ZUP1: variants seen among roughly 807,000 people sequenced by gnomAD.
ZUP1 encodes the protein zinc finger-containing ubiquitin peptidase 1.
ZUP1 carries 55 observed loss-of-function variants against 68.1 expected under a neutral mutation model. That is an observed-to-expected ratio of 0.81 (90% CI 0.65 to 1.01). ZUP1 has a LOEUF of 1.01. ZUP1 is among the 50% of genes least tolerant of loss of function. ZUP1 has a pLI of 0.00. For missense variants in ZUP1, 684 were observed against 674.9 expected (o/e 1.01, Z -0.15); for synonymous variants, 223 against 221.5 (o/e 1.01, Z -0.06).
chr6:116,655,977 A>G lies in ZUP1; in HGVS notation c.961+707T>C, dbSNP rs908800962. Among the ~76,000 whole-genome samples the G allele has an allele frequency of 3.9e-5, 6 of 152,244 alleles. No individual in the cohort carries two copies. The South Asian group carries it at 1.0e-3, about 26-fold the overall frequency. On this transcript the variant is annotated intron_variant, in intron 5 of 9. Coordinates refer to ENST00000368576, the MANE Select transcript of ZUP1 (RefSeq NM_145062.3). ...TATAAACAATGTAAAATGTCTCAGT[A>G]ATAGTTTTAATGTTGATTACATGTT...
chr6:116,658,757 T>C (rs764673776), intron 4 of ZUP1, 46 bp downstream of exon 4: 7 of 1,494,826 alleles, frequency 4.7e-6, no homozygotes, highest in Non-Finnish European at 3.6e-6. Flanking sequence ...ATTTGAAAAA[T>C]AACTTTACCA....
intron 2 of ZUP1, among the ~76,000 whole-genome samples, chr6:116,661,532 G>T (rs1344632851): frequency 6.6e-6 from 1 of 152,132 alleles, no homozygotes; most frequent in Non-Finnish European, 1.5e-5. Context: ...TGGGAATTGG[G>T]GTAATACTGT....
rs1026516036 is a variant in ZUP1, at chr6:116,636,920, A to G, written c.1690-1041T>C. On this transcript the variant is annotated intron_variant, in intron 9 of 9. Coordinates refer to ENST00000368576, the MANE Select transcript of ZUP1 (RefSeq NM_145062.3). ...TATTTTGTCCTTTAAATAAAGCTGC[A>G]GACTTTTACCTGATGATCTGCAAAA... 5.9e-5 allele frequency among the ~76,000 whole-genome samples: 9 copies of G among 152,182 alleles called. No individual in the cohort carries two copies. In the East Asian group the frequency reaches 1.7e-3, roughly 29 times the overall value.
At chr6:116,662,293 C>T (rs189870500) in intron 2 of ZUP1, among the ~76,000 whole-genome samples, 1 of 152,212 alleles carries the variant, frequency 6.6e-6, no homozygotes, top group Non-Finnish European at 1.5e-5. Context: ...GATCATCACA[C>T]TACTGCAAGC....
intron 9 of ZUP1, among the ~76,000 whole-genome samples, chr6:116,643,270 ATTT>A (rs1037151205): frequency 2.6e-5 from 4 of 152,028 alleles, no homozygotes; most frequent in African/African-American, 9.7e-5. Context: ...GCCCAAGGTA[ATTT>A]ATAGATTCAA....
intron 9 of ZUP1, among the ~76,000 whole-genome samples, chr6:116,640,916 C>T (rs1478414327): frequency 6.8e-6 from 1 of 147,828 alleles, no homozygotes; most frequent in African/African-American, 2.5e-5. Flanking sequence ...GAGTCAAGAC[C>T]CATCAGTGTG....
intron 4 of ZUP1, among the ~76,000 whole-genome samples, chr6:116,658,092 TCAAACAAA>T (rs146558172): frequency 6.6e-5 from 10 of 152,036 alleles, no homozygotes; most frequent in Non-Finnish European, 1.5e-4. Flanking sequence ...AAACTCCGTC[TCAAACAAA>T]CAAACAAACA....
At chr6:116,666,066 A>C (rs957652371) in intron 2 of ZUP1, among the ~76,000 whole-genome samples, 1 of 152,212 alleles carries the variant, frequency 6.6e-6, no homozygotes, top group Non-Finnish European at 1.5e-5. Flanking sequence ...AATTGATAGA[A>C]CTACTAGACA....
At position 116,652,023 on chromosome 6, in the gene ZUP1, A is replaced by C. The variant is rs1311607727; in HGVS notation, c.1131T>G (p.Ala377=). 6.2e-7 allele frequency: 1 copy of C among 1,613,892 alleles called. No homozygotes were observed. Among genetic ancestry groups the C allele is most frequent in the East Asian group, 2.2e-5 (1 of 44,870 alleles). Residue 377 remains alanine, a synonymous_variant, in exon 6 of 10, where the codon GCT becomes GCG. Coordinates refer to ENST00000368576, the MANE Select transcript of ZUP1 (RefSeq NM_145062.3). The stretch of plus-strand genomic sequence containing the variant: ...ACATACCTTTTAAGCAATCGTTGTA[A>C]GCATCATTTTGTAATAATGATGAAA... ...MLLSSLLQND[A]YNDCLKGMLI...
Position 116,667,008 on chromosome 6 carries a change from A to G in ZUP1, c.185T>C (p.Phe62Ser), listed in dbSNP as rs1777033496. 1 of 1,613,526 alleles carries G rather than the reference A, an allele frequency of 6.2e-7. No individual in the cohort carries two copies. The highest frequency in any genetic ancestry group is 1.3e-5 in the African/African-American group (1 of 74,880). The change falls in exon 2 of 10, where the codon TTT (phenylalanine) becomes TCT (serine). Residue 62 changes from phenylalanine to serine, a missense_variant. Transcript: ENST00000368576. ...ATATTGTACTGTATTTATCCTCTCAAAGTTTCTTTCAAGTGTATTCTGCTC... is the reference window on the plus strand; with the variant it reads ...ATATTGTACTGTATTTATCCTCTCAGAGTTTCTTTCAAGTGTATTCTGCTC... ...HFEQNTLERN[F>S]ERINTVQYGT...
chr6:116,637,455 T>A (rs528250199), intron 9 of ZUP1, among the ~76,000 whole-genome samples: 1 of 152,340 alleles, frequency 6.6e-6, no homozygotes, highest in African/African-American at 2.4e-5. Context: ...ATTCCTTTTC[T>A]ACCTGGCAGT....
rs751627186 is a variant in ZUP1 at position 116,635,846 on chromosome 6, C to T, written c.1723G>A (p.Glu575Lys). Residue 575 changes from glutamate to lysine, a missense_variant, in exon 10 of 10, where the codon GAG becomes AAG. Coordinates refer to ENST00000368576, the MANE Select transcript of ZUP1 (RefSeq NM_145062.3). ...TGCTTGATTCTTCAAGGAATCTTCTCGGCTGTAAAGACTTGAGAAGCTTGT... is the reference window on the plus strand; with the variant it reads ...TGCTTGATTCTTCAAGGAATCTTCTTGGCTGTAAAGACTTGAGAAGCTTGT... ...RRQASQVFTA[E>K]KIP 5.8e-5 allele frequency: 93 copies of T among 1,598,488 alleles called. 1 individual carries two copies. Among genetic ancestry groups the T allele is most frequent in the Non-Finnish European group, 6.9e-5 (81 of 1,175,206 alleles).
At chr6:116,659,248 G>A (rs1159315691) in intron 3 of ZUP1, among the ~76,000 whole-genome samples, 1 of 152,120 alleles carries the variant, frequency 6.6e-6, no homozygotes, top group Non-Finnish European at 1.5e-5. Context: ...TCCTGCTGCA[G>A]CCTCCTGAGT....
chr6:116,662,744 G>T (rs1776883132), intron 2 of ZUP1, among the ~76,000 whole-genome samples: 2 of 151,998 alleles, frequency 1.3e-5, no homozygotes, highest in South Asian at 4.1e-4. Flanking sequence ...TAACACACAG[G>T]CAACTTTTCT....
chr6:116,651,714 T>A lies in ZUP1; in HGVS notation c.1174A>T (p.Lys392Ter), dbSNP rs185741504. 6.2e-7 allele frequency: 1 copy of A among 1,613,722 alleles called. No individual in the cohort carries two copies. Among genetic ancestry groups the A allele is most frequent in the Non-Finnish European group, 8.5e-7 (1 of 1,179,784 alleles). Residue 392 changes from lysine (K) to a stop codon, truncating the protein, a stop_gained, in exon 7 of 10, where the codon AAA becomes TAA. Coordinates refer to ENST00000368576, the MANE Select transcript of ZUP1 (RefSeq NM_145062.3). LOFTEE classifies it high-confidence loss of function. ...GCATCTTCAATCATAGATTGAATTTTTGGAATGCAAGGAATCAACATACCT... is the reference window on the plus strand; with the variant it reads ...GCATCTTCAATCATAGATTGAATTTATGGAATGCAAGGAATCAACATACCT... ...LKGMLIPCIPKIQSMIEDAWK... is the reference protein window; with the variant it reads ...LKGMLIPCIP
Position 116,645,694 on chromosome 6 carries a change from AT to A in ZUP1, c.1689+19del. The A allele has an allele frequency of 6.5e-7, 1 of 1,538,096 alleles. No homozygotes were observed. Among genetic ancestry groups the A allele is most frequent in the Non-Finnish European group, 8.8e-7 (1 of 1,131,374 alleles). On this transcript the variant is annotated intron_variant, in intron 9 of 9. Transcript: ENST00000368576. ...AGTTCATCTCATTCAAACTTCACAT[AT>A]AAATATTTAGATACTTACAAGTTTC...
intron 5 of ZUP1, among the ~76,000 whole-genome samples, chr6:116,655,014 C>A (rs1776621741): frequency 6.6e-6 from 1 of 151,970 alleles, no homozygotes; most frequent in South Asian, 2.1e-4. Context: ...TAGAGAAACG[C>A]CTGAAGTAGA....
intron 5 of ZUP1, among the ~76,000 whole-genome samples, chr6:116,655,775 G>C (rs764122789): frequency 3.3e-5 from 5 of 152,166 alleles, no homozygotes; most frequent in Non-Finnish European, 5.9e-5. Context: ...ATATATAACA[G>C]TACAGGAGAG....
At position 116,640,491 on chromosome 6, in the gene ZUP1, C is replaced by T. The variant is rs954582828; in HGVS notation, c.1690-4612G>A. 1.1e-4 allele frequency among the ~76,000 whole-genome samples: 16 copies of T among 151,962 alleles called. No individual in the cohort carries two copies. In the East Asian group the frequency reaches 2.5e-3, roughly 24 times the overall value. ...CCCATCAGACTAACAGCGGATCTCT[C>T]AGCAGAAACTCTACAAGCCAGAAGA... On this transcript the variant is annotated intron_variant, in intron 9 of 9. Coordinates refer to ENST00000368576, the MANE Select transcript of ZUP1 (RefSeq NM_145062.3).
Sources: gnomAD v4.1 joint callset for allele counts (sites outside exome capture counted in the v4.1 genomes callset) on GRCh38, gnomAD v4.1.1 for gene constraint, MANE v1.5 for transcripts, NCBI Gene and HGNC (gene_info 2026-07-23, HGNC 2026-07-21) for gene names.